SRGAP2B: variants seen among roughly 807,000 people sequenced by gnomAD.
SRGAP2B encodes the protein SLIT-ROBO Rho GTPase activating protein 2B, also known as SLIT-ROBO Rho GTPase-activating protein 2B.
SRGAP2B carries 9 observed loss-of-function variants against 22.2 expected under a neutral mutation model. That is an observed-to-expected ratio of 0.41 (90% CI 0.24 to 0.71). SRGAP2B has a LOEUF of 0.71. Among genes scored for constraint, SRGAP2B ranks in the 30% least tolerant of loss-of-function variants. The probability of loss-of-function intolerance (pLI) is 0.35; values close to 1 mark genes in which losing one functional copy is unlikely to be tolerated. For synonymous variants in SRGAP2B, 36 were observed against 87.4 expected, an observed-to-expected ratio of 0.41 and a Z score of 3.28; for missense variants, 114 against 235.8, an observed-to-expected ratio of 0.48 and a Z score of 3.38.
chr1:144,955,116 A>G (rs1243832685), intron 4 of SRGAP2B, among the ~76,000 whole-genome samples: 2 of 150,628 alleles, frequency 1.3e-5, no homozygotes, highest in Non-Finnish European at 2.9e-5. Flanking sequence ...TCCCAAGGCT[A>G]CTATTAATTC....
intron 2 of SRGAP2B, among the ~76,000 whole-genome samples, chr1:145,063,391 G>C (rs1651124286): frequency 8.8e-6 from 1 of 114,240 alleles, no homozygotes; most frequent in Admixed American, 9.2e-5. Flanking sequence ...AAATAGGCTA[G>C]GCAGCCATCT....
rs1342167103 is a variant in SRGAP2B, at chr1:145,062,993, A to G, written c.67+29842T>C. Among the ~76,000 whole-genome samples, 1,072 of 149,960 alleles carry G rather than the reference A, an allele frequency of 7.1e-3. 7 individuals are homozygous for G. Among genetic ancestry groups the G allele is most frequent in the African/African-American group, 0.026 (1,031 of 39,804 alleles). On this transcript the variant is annotated intron_variant, in intron 2 of 9. Coordinates refer to ENST00000612199, the Ensembl canonical transcript of SRGAP2B. ...CAAACAAAATAGAGTAAGTCGTATT[A>G]ACGACTTACTTGCGTTCTAAACTTC...
At chr1:145,089,964 T>G (rs587618262) in intron 2 of SRGAP2B, among the ~76,000 whole-genome samples, 4 of 145,968 alleles carry the variant, frequency 2.7e-5, no homozygotes, top group Admixed American at 1.3e-4. Context: ...AGACAAGTCA[T>G]GTAACTTGCC....
At chr1:144,992,891 A>G (rs1230106552) in intron 3 of SRGAP2B, among the ~76,000 whole-genome samples, 1 of 151,208 alleles carries the variant, frequency 6.6e-6, no homozygotes, top group East Asian at 1.9e-4. Context: ...ACAAACTTAT[A>G]CAGTCCACTC....
At chr1:144,973,173 G>T (rs1668652755) in intron 3 of SRGAP2B, among the ~76,000 whole-genome samples, 1 of 149,554 alleles carries the variant, frequency 6.7e-6, no homozygotes, top group Non-Finnish European at 1.5e-5. Flanking sequence ...GCAAACATAA[G>T]TATTGTTCTG....
At chr1:145,076,494 T>G (rs1348018491) in intron 2 of SRGAP2B, among the ~76,000 whole-genome samples, 8 of 150,266 alleles carry the variant, frequency 5.3e-5, no homozygotes, top group Non-Finnish European at 1.2e-4. Flanking sequence ...ACTATTGATA[T>G]GCACAACAAC....
At chr1:145,013,059 G>C (rs1672175044) in intron 2 of SRGAP2B, among the ~76,000 whole-genome samples, 1 of 150,690 alleles carries the variant, frequency 6.6e-6, no homozygotes, top group Non-Finnish European at 1.5e-5. Context: ...CTCCAGCCTG[G>C]GTGACAGAGC....
chr1:144,912,118 T>TC (rs1450527963), intron 5 of SRGAP2B, among the ~76,000 whole-genome samples: 77 of 148,336 alleles, frequency 5.2e-4, no homozygotes, highest in African/African-American at 1.8e-3. Context: ...GCCCAGCTAT[T>TC]TTTTTTTGTA....
intron 2 of SRGAP2B, among the ~76,000 whole-genome samples, chr1:145,089,275 C>G (rs587697280): frequency 6.6e-6 from 1 of 150,694 alleles, no homozygotes; most frequent in Admixed American, 6.6e-5. Context: ...CATTGAGAGG[C>G]ATGAACTTTC....
intron 2 of SRGAP2B, among the ~76,000 whole-genome samples, chr1:145,075,989 G>A (rs1369856641): frequency 1.3e-5 from 2 of 150,050 alleles, no homozygotes; most frequent in Non-Finnish European, 1.5e-5. Context: ...TTGGGAGGAG[G>A]CCATATATTA....
At chr1:144,904,066 CAT>C (rs1193752042) in intron 7 of SRGAP2B, among the ~76,000 whole-genome samples, 2 of 144,664 alleles carry the variant, frequency 1.4e-5, no homozygotes, top group Admixed American at 1.4e-4. Flanking sequence ...TTGCAAAACA[CAT>C]GTGCCTATTA....
Position 144,994,551 on chromosome 1 carries a change from A to AGTGT in SRGAP2B, c.260+453_260+456dup, listed in dbSNP as rs1217534528. The stretch of plus-strand genomic sequence containing the variant: ...TATTTACTAGGGGTGTGTGAGTGTG[A>AGTGT]GTGTGTGTGTGTGTGTGAGAGAGAG... On this transcript the variant is annotated intron_variant, in intron 3 of 9. Transcript: ENST00000612199. Among the ~76,000 whole-genome samples, 619 of 116,386 alleles carry AGTGT rather than the reference A, an allele frequency of 5.3e-3. 10 individuals carry two copies. Among genetic ancestry groups the AGTGT allele is most frequent in the African/African-American group, 6.9e-3 (189 of 27,248 alleles). 76.4% of individuals were successfully genotyped at this position (116,386 alleles called of 152,430 possible). A position where few individuals can be genotyped will look rare whatever the true frequency, so the allele number is the denominator to read the frequency against.
At chr1:144,925,787 GAAAGA>G (rs1664685514) in intron 4 of SRGAP2B, among the ~76,000 whole-genome samples, 6 of 105,720 alleles carry the variant, frequency 5.7e-5, no homozygotes, top group East Asian at 2.7e-4. Flanking sequence ...AAGAAAGAAA[GAAAGA>G]AAGGAGAGAG....
chr1:144,984,362 CAACAAA>C lies in SRGAP2B; in HGVS notation c.260+10640_260+10645del, dbSNP rs1391885372. On this transcript the variant is annotated intron_variant, in intron 3 of 9. Transcript: ENST00000612199. ...ACAACAACAACAACAACAACAACAA[CAACAAA>C]AAAAAAAAAACAAAAAAGCCCCTCT... Among the ~76,000 whole-genome samples, 73 of 111,166 alleles carry C rather than the reference CAACAAA, an allele frequency of 6.6e-4. 2 individuals carry two copies. Among genetic ancestry groups the C allele is most frequent in the Admixed American group, 1.4e-3 (16 of 11,224 alleles). 72.9% of individuals were successfully genotyped at this position (111,166 alleles called of 152,430 possible).
intron 9 of SRGAP2B, among the ~76,000 whole-genome samples, chr1:144,892,626 C>CT (rs1662196525): frequency 6.7e-6 from 1 of 149,932 alleles, no homozygotes; most frequent in Non-Finnish European, 1.5e-5. Flanking sequence ...TGACCCAGAT[C>CT]TTTTAATGTT....
At chr1:145,025,911 G>T (rs1285664583) in intron 2 of SRGAP2B, among the ~76,000 whole-genome samples, 3 of 150,808 alleles carry the variant, frequency 2.0e-5, no homozygotes, top group South Asian at 2.1e-4. Context: ...ACGCTTTAAC[G>T]CAATGGTCTG....
intron 2 of SRGAP2B, among the ~76,000 whole-genome samples, chr1:145,040,477 A>G (rs1649095973): frequency 6.6e-6 from 1 of 150,952 alleles, no homozygotes; most frequent in Non-Finnish European, 1.5e-5. Flanking sequence ...CTCTTCCTAT[A>G]AAGGCCAGAT....
At position 145,005,922 on chromosome 1, in the gene SRGAP2B, G is replaced by A. The variant is rs587682994; in HGVS notation, c.68-10722C>T. 4.8e-4 allele frequency among the ~76,000 whole-genome samples: 72 copies of A among 150,088 alleles called. 1 individual carries two copies. In the South Asian group the frequency reaches 5.9e-3, roughly 12 times the overall value. ...AGCTCATTAACCTTGGCAATGAGAAGTCTATCATTATTGAGGGCCTGCTCT... is the reference window on the plus strand; with the variant it reads ...AGCTCATTAACCTTGGCAATGAGAAATCTATCATTATTGAGGGCCTGCTCT... On this transcript the variant is annotated intron_variant, in intron 2 of 9. Transcript: ENST00000612199.
chr1:145,001,878 CTGGGG>C, intron 2 of SRGAP2B, among the ~76,000 whole-genome samples: 1 of 150,030 alleles, frequency 6.7e-6, no homozygotes, highest in Admixed American at 6.6e-5. Flanking sequence ...TTTAAGTTAG[CTGGGG>C]GGGTGGTGCA....
Sources: gnomAD v4.1 joint callset for allele counts (sites outside exome capture counted in the v4.1 genomes callset) on GRCh38, gnomAD v4.1.1 for gene constraint, MANE v1.5 for transcripts, NCBI Gene and HGNC (gene_info 2026-07-23, HGNC 2026-07-21) for gene names.